CLRN1: variants seen among roughly 807,000 people sequenced by gnomAD.
The protein encoded by CLRN1 is clarin 1.
A neutral mutation model predicts 18.7 loss-of-function variants in CLRN1; 15 were observed. The observed-to-expected ratio is 0.80, with a 90% CI of 0.54 to 1.23. The LOEUF is 1.23. Among genes scored for constraint, CLRN1 ranks in the 50% most tolerant of loss-of-function variants. The pLI, the probability that CLRN1 is intolerant of heterozygous loss-of-function variation, is 0.00. For missense variants in CLRN1, 311 were observed against 277.5 expected (o/e 1.12, Z -0.86); for synonymous variants, 104 against 102.9 (o/e 1.01, Z -0.07).
rs781460327 is a variant in CLRN1, at chr3:150,927,402, G to A, written c.*534C>T. ...GGCCTCCTGAAGTGCTGGAATTACA[G>A]GTGTGAGTCACCACGCCTGGCCTAA... On this transcript the variant is annotated 3_prime_UTR_variant, in exon 3 of 3. Transcript: ENST00000327047. 2.2e-6 allele frequency: 1 copy of A among 447,726 alleles called. No individual in the cohort carries two copies. The highest frequency in any genetic ancestry group is 1.6e-5 in the South Asian group (1 of 62,474). The allele number at this position is 447,726 out of a possible 1,614,324, so 27.7% of individuals were successfully genotyped here.
chr3:150,937,545 G>A (rs1403232073), intron 2 of CLRN1, among the ~76,000 whole-genome samples: 1 of 152,170 alleles, frequency 6.6e-6, no homozygotes, highest in African/African-American at 2.4e-5. Context: ...TGATTCTAAT[G>A]TACAGTCAAA....
chr3:150,929,639 A>C (rs1423554236), intron 2 of CLRN1, among the ~76,000 whole-genome samples: 1 of 152,214 alleles, frequency 6.6e-6, no homozygotes, highest in Non-Finnish European at 1.5e-5. Flanking sequence ...ATGCTTACTA[A>C]TTGGTAGCTA....
At chr3:150,970,955 CTTA>C (rs1271543116) in intron 1 of CLRN1, among the ~76,000 whole-genome samples, 1 of 152,144 alleles carries the variant, frequency 6.6e-6, no homozygotes, top group Non-Finnish European at 1.5e-5. Context: ...CAGAAAACAT[CTTA>C]TTATTGTTTT....
chr3:150,932,432 T>C (rs1221196488), intron 2 of CLRN1, among the ~76,000 whole-genome samples: 1 of 152,224 alleles, frequency 6.6e-6, no homozygotes, highest in African/African-American at 2.4e-5. Context: ...TGTTATCCTA[T>C]GATCAGTAAG....
At chr3:150,970,529 A>AG (rs1715482400) in intron 1 of CLRN1, among the ~76,000 whole-genome samples, 2 of 151,274 alleles carry the variant, frequency 1.3e-5, no homozygotes, top group Non-Finnish European at 2.9e-5. Flanking sequence ...AAAAAAAAAA[A>AG]GCTCTACTGT....
At chr3:150,970,822 T>C (rs1052064736) in intron 1 of CLRN1, among the ~76,000 whole-genome samples, 1 of 152,140 alleles carries the variant, frequency 6.6e-6, no homozygotes, top group African/African-American at 2.4e-5. Context: ...AACAACTTCA[T>C]CCTTAGACAG....
chr3:150,938,336 C>T (rs1382324228), intron 2 of CLRN1, among the ~76,000 whole-genome samples: 5 of 152,096 alleles, frequency 3.3e-5, no homozygotes, highest in East Asian at 3.9e-4. Context: ...GAGTGTGTGA[C>T]GCATTGGCTC....
At chr3:150,943,732 C>T (rs1713991318) in intron 1 of CLRN1, 1 of 1,602,062 alleles carries the variant, frequency 6.2e-7, no homozygotes, top group African/African-American at 1.3e-5. Context: ...GCCCACTGAG[C>T]TGACAACACA....
chr3:150,972,997 C>T (rs55842922), upstream of CLRN1: 3,398 of 500,916 alleles, frequency 6.8e-3, 24 homozygotes, highest in Non-Finnish European at 9.2e-3. Context: ...TCAAGTATCT[C>T]CTCTGTGTCA....
chr3:150,947,478 T>C (rs1220797894), intron 1 of CLRN1, among the ~76,000 whole-genome samples: 2 of 152,200 alleles, frequency 1.3e-5, no homozygotes, highest in Non-Finnish European at 2.9e-5. Flanking sequence ...AGTGCTTTAC[T>C]GACAGTATTA....
chr3:150,928,734 G>A (rs927704628), intron 2 of CLRN1, among the ~76,000 whole-genome samples: 1 of 152,194 alleles, frequency 6.6e-6, no homozygotes, highest in Non-Finnish European at 1.5e-5. Context: ...CAAAGGAAAA[G>A]GTAGCTATGG....
Position 150,957,414 on chromosome 3 carries a change from A to G in CLRN1, c.253+15042T>C, listed in dbSNP as rs184631329. Among the ~76,000 whole-genome samples, 13 of 151,688 alleles carry G rather than the reference A, an allele frequency of 8.6e-5. No homozygotes were observed. In the East Asian group the frequency reaches 1.2e-3, roughly 14 times the overall value. ...CCTTCAGGGACCTCCCTTCCCCACC[A>G]CTTCATCAAGACTGCTTTGGAAATG... On this transcript the variant is annotated intron_variant, in intron 1 of 2. Coordinates refer to ENST00000327047, the MANE Select transcript of CLRN1 (RefSeq NM_174878.3).
Position 150,927,008 on chromosome 3 carries a change from C to A in CLRN1, c.*928G>T. 6.8e-7 allele frequency: 1 copy of A among 1,472,600 alleles called. No homozygotes were observed. The highest frequency in any genetic ancestry group is 9.3e-7 in the Non-Finnish European group (1 of 1,076,114). 91.2% of individuals were successfully genotyped at this position (1,472,600 alleles called of 1,614,324 possible). ...AGATTTAATATAATTTTCATAATTG[C>A]ATATTAGTACTCGAGACACTATAGC... On this transcript the variant is annotated 3_prime_UTR_variant, in exon 3 of 3. Coordinates refer to ENST00000327047, the MANE Select transcript of CLRN1 (RefSeq NM_174878.3).
chr3:150,954,340 A>T (rs1714634879), intron 1 of CLRN1, among the ~76,000 whole-genome samples: 1 of 152,168 alleles, frequency 6.6e-6, no homozygotes, highest in East Asian at 1.9e-4. Flanking sequence ...TATGTAGTTT[A>T]TCTCAGTGTT....
intron 2 of CLRN1, among the ~76,000 whole-genome samples, chr3:150,941,160 CTATCT>C (rs1290359085): frequency 1.7e-5 from 2 of 115,838 alleles, no homozygotes; most frequent in African/African-American, 5.5e-5. Flanking sequence ...ATCTATCTAT[CTATCT>C]ATCTATCTCT....
chr3:150,966,945 C>T (rs1388916139), intron 1 of CLRN1, among the ~76,000 whole-genome samples: 2 of 152,142 alleles, frequency 1.3e-5, no homozygotes, highest in Admixed American at 6.5e-5. Context: ...AGCATTTAAA[C>T]GGTGAGAGAT....
At chr3:150,945,466 A>G in intron 1 of CLRN1, 1 of 1,265,568 alleles carries the variant, frequency 7.9e-7, no homozygotes, top group Non-Finnish European at 1.0e-6. Context: ...AGAAAGTTTC[A>G]TTGGGTCAGA....
intron 1 of CLRN1, among the ~76,000 whole-genome samples, chr3:150,971,527 C>T (rs1235796914): frequency 6.6e-6 from 1 of 151,680 alleles, no homozygotes; most frequent in Non-Finnish European, 1.5e-5. Flanking sequence ...AAAAAAAAAA[C>T]CTGGGCAAAA....
At position 150,927,735 on chromosome 3, in the gene CLRN1, C is replaced by G; in HGVS notation, c.*201G>C. Reference sequence around the variant, plus strand: ...CTACCTGGGTCAAGCAATTTCCCACCAGATAAAACAACTTTTCAAAGCCTT... The same window carrying G: ...CTACCTGGGTCAAGCAATTTCCCACGAGATAAAACAACTTTTCAAAGCCTT... On this transcript the variant is annotated 3_prime_UTR_variant, in exon 3 of 3. Transcript: ENST00000327047. The G allele has an allele frequency of 1.3e-6, 1 of 753,654 alleles. No homozygotes were observed. Among genetic ancestry groups the G allele is most frequent in the Non-Finnish European group, 2.3e-6 (1 of 439,012 alleles). 46.7% of individuals were successfully genotyped at this position (753,654 alleles called of 1,614,324 possible).
Sources: allele counts gnomAD v4.1 joint callset (sites outside exome capture counted in the v4.1 genomes callset), GRCh38; gene constraint gnomAD v4.1.1; transcripts MANE v1.5; gene names NCBI Gene and HGNC (gene_info 2026-07-23, HGNC 2026-07-21).